The following EEF2 variants were observed in gnomAD, a reference collection of about 807,000 sequenced individuals.
EEF2 encodes elongation factor 2.
A neutral mutation model predicts 85.3 loss-of-function variants in EEF2; 21 were observed. That is an observed-to-expected ratio of 0.25 (90% CI 0.17 to 0.35). The LOEUF (loss-of-function observed/expected upper bound fraction) is 0.35, where lower values mean the gene tolerates loss of function less well. EEF2 is among the 10% of genes least tolerant of loss of function. The pLI, the probability that EEF2 is intolerant of heterozygous loss-of-function variation, is 1.00. For synonymous variants in EEF2, 723 were observed against 508.8 expected, an observed-to-expected ratio of 1.42 and a Z score of -5.67; for missense variants, 825 against 1,225.3, an observed-to-expected ratio of 0.67 and a Z score of 4.88.
Position 3,980,048 on chromosome 19 carries a change from G to A in EEF2, c.1365C>T (p.Gly455=), listed in dbSNP as rs763296225. The change falls in exon 10 of 15, where the codon GGC becomes GGT. Residue 455 remains glycine, a synonymous_variant. Transcript: ENST00000309311. Reference sequence around the variant, plus strand: ...CATCCTCGATGGGCTCCACGTAGCGGCCCATCATCAAGATTGTTCTGGAAG... The same window carrying A: ...CATCCTCGATGGGCTCCACGTAGCGACCCATCATCAAGATTGTTCTGGAAG... The part of the protein sequence containing the change: ...KPIQRTILMM[G]RYVEPIEDVP... 6.2e-7 allele frequency: 1 copy of A among 1,613,232 alleles called. No homozygotes were observed. Among genetic ancestry groups the A allele is most frequent in the South Asian group, 1.1e-5 (1 of 91,082 alleles).
chr19:3,978,281 A>T, intron 11 of EEF2, 109 bp from the exon 12 acceptor site: 1 of 903,026 alleles, frequency 1.1e-6, no homozygotes, highest in East Asian at 2.9e-5. Context: ...ACAGCCTGGT[A>T]GAGCCACGTC....
Position 3,976,527 on chromosome 19 carries a change from G to A in EEF2, c.*27C>T, listed in dbSNP as rs1298031936. 1 of 1,582,622 alleles carries A rather than the reference G, an allele frequency of 6.3e-7. No homozygotes were observed. The highest frequency in any genetic ancestry group is 8.6e-7 in the Non-Finnish European group (1 of 1,165,268). On this transcript the variant is annotated 3_prime_UTR_variant, in exon 15 of 15. Transcript: ENST00000309311. The stretch of plus-strand genomic sequence containing the variant: ...TGCTGTGGGTGCTGCGAGTCCCCGG[G>A]GCGGCAGGCGCTGCAGGAAGGGCCG...
rs1309544670 is a variant in EEF2, at chr19:3,982,377, C to A, written c.660G>T (p.Gly220=). The change falls in exon 5 of 15, where the codon GGG becomes GGT. Residue 220 remains glycine (G), a synonymous_variant. Transcript: ENST00000309311. The part of the protein sequence containing the change: ...GTVGFGSGLH[G]WAFTLKQFAE... ...CAAACTGCTTCAGGGTGAAGGCCCA[C>A]CCGTGGAGGCCAGACCCAAAGCCCA... 1.9e-6 allele frequency: 3 copies of A among 1,614,018 alleles called. No individual in the cohort carries two copies. In the South Asian group the frequency reaches 3.3e-5, roughly 18 times the overall value.
intron 10 of EEF2, 41 bp downstream of exon 10, chr19:3,979,767 C>G (rs200736051): frequency 5.5e-5 from 87 of 1,596,244 alleles, no homozygotes; most frequent in East Asian, 4.9e-4. Flanking sequence ...AGCCGTCCCC[C>G]CTCAGGGTGT....
chr19:3,981,013 G>C (rs1165640857), intron 7 of EEF2, 34 bp from the exon 8 acceptor site: 3 of 1,551,746 alleles, frequency 1.9e-6, no homozygotes, highest in South Asian at 2.4e-5. Context: ...TGAGACACCT[G>C]GGGAGCCCAG....
rs773988050 is a variant in EEF2 at position 3,977,991 on chromosome 19, G to A, written c.1895C>T (p.Ala632Val). 1 of 1,612,468 alleles carries A rather than the reference G, an allele frequency of 6.2e-7. No individual in the cohort carries two copies. The highest frequency in any genetic ancestry group is 1.7e-5 in the Admixed American group (1 of 59,952). ...CTCGTACTTCTCGGCCAGGTAGCGC[G>A]CCCGCTGCTTGAGCTCCTGACGGGC... ...VSARQELKQRARYLAEKYEWD... is the reference protein window; with the variant it reads ...VSARQELKQRVRYLAEKYEWD... The change falls in exon 12 of 15, where the codon GCG becomes GTG. Residue 632 changes from alanine to valine, a missense_variant. Transcript: ENST00000309311. This position sits in a 1 kb window ranked among gnomAD's most constrained non-coding sequence, Gnocchi z 5.4.
chr19:3,983,898 G>C (rs1454956933), intron 2 of EEF2: 1 of 557,554 alleles, frequency 1.8e-6, no homozygotes, highest in African/African-American at 1.9e-5. Context: ...GTCCCCCAGG[G>C]AGGGAGAACC....
At chr19:3,983,395 C>A in intron 2 of EEF2, 104 bp from the exon 3 acceptor site, 1 of 1,276,440 alleles carries the variant, frequency 7.8e-7, no homozygotes, top group East Asian at 2.5e-5. Context: ...CATGACTCAT[C>A]CCTGGAGAGG....
rs769205803 is a variant in EEF2, at chr19:3,980,668, T to C, written c.1192A>G (p.Ile398Val). The C allele has an allele frequency of 3.6e-5, 58 of 1,613,980 alleles. No homozygotes were observed. Among genetic ancestry groups the C allele is most frequent in the Admixed American group, 5.0e-5 (3 of 59,998 alleles). Residue 398 changes from isoleucine to valine, a missense_variant, in exon 9 of 15, where the codon ATT (isoleucine) becomes GTT (valine). Transcript: ENST00000309311. ...TCGGAGGTTGGCACCATTTTGGAAA[T>C]ATACATCATAAGAGGGCCTTTGGGG... ...CDPKGPLMMYISKMVPTSDKG... is the reference protein window; with the variant it reads ...CDPKGPLMMYVSKMVPTSDKG...
chr19:3,979,539 T>C (rs746320550), intron 10 of EEF2, 103 bp from the exon 11 acceptor site: 80 of 1,092,740 alleles, frequency 7.3e-5, no homozygotes, highest in Non-Finnish European at 9.8e-5. Context: ...GAACAAGATT[T>C]CAGGGAAGGT....
At chr19:3,984,396 C>A (rs781136228) in intron 1 of EEF2, 46 bp from the exon 2 acceptor site, 5 of 1,589,286 alleles carry the variant, frequency 3.1e-6, no homozygotes, top group Middle Eastern at 3.3e-4. Flanking sequence ...TTTCCAGGAA[C>A]ACAGCATGGC....
At chr19:3,984,753 G>A (rs181740546) in intron 1 of EEF2, 109 of 218,154 alleles carry the variant, frequency 5.0e-4, no homozygotes, top group African/African-American at 1.7e-3. Context: ...TAAAATGCAA[G>A]GTCACCCCTT....
At chr19:3,981,084 A>G in intron 7 of EEF2, 105 bp from the exon 8 acceptor site, 1 of 1,472,154 alleles carries the variant, frequency 6.8e-7, no homozygotes, top group Non-Finnish European at 9.0e-7. Flanking sequence ...GTCAGGACTA[A>G]CGTTCTCCAA....
rs982952460 is a variant in EEF2, at chr19:3,977,697, G to A, written c.2068-87C>T. 2.1e-4 allele frequency: 316 copies of A among 1,473,740 alleles called. No homozygotes were observed. Among genetic ancestry groups the A allele is most frequent in the Non-Finnish European group, 2.4e-4 (273 of 1,115,432 alleles). The allele number at this position is 1,473,740 out of a possible 1,614,324, so 91.3% of individuals were successfully genotyped here. Reference sequence around the variant, plus strand: ...TGCCAAGTCCTGCAGGTCTCCACCAGGGGGACCTGGGGCCTTGCCCGCCTT... The same window carrying A: ...TGCCAAGTCCTGCAGGTCTCCACCAAGGGGACCTGGGGCCTTGCCCGCCTT... On this transcript the variant is annotated intron_variant, in intron 12 of 14. Coordinates refer to ENST00000309311, the MANE Select transcript of EEF2 (RefSeq NM_001961.4). This position sits in a 1 kb window ranked among gnomAD's most constrained non-coding sequence, Gnocchi z 5.4.
In EEF2 at chr19:3,978,120, A is replaced by G. The variant is rs2039699854; in HGVS notation, c.1766T>C (p.Val589Ala). The G allele has an allele frequency of 6.7e-7, 1 of 1,502,920 alleles. No individual in the cohort carries two copies. The highest frequency in any genetic ancestry group is 8.9e-7 in the Non-Finnish European group (1 of 1,117,660). 93.1% of individuals were successfully genotyped at this position (1,502,920 alleles called of 1,614,324 possible). Residue 589 changes from valine to alanine, a missense_variant, in exon 12 of 15, where the codon GTG (valine) becomes GCG (alanine). Coordinates refer to ENST00000309311, the MANE Select transcript of EEF2 (RefSeq NM_001961.4). ...GTTGGGGGACTTGGAGAGGCAGAGC[A>G]CGTTCGACTCTTCACTGACCGTCTC... ...YRETVSEESNVLCLSKSPNKH... is the reference protein window; with the variant it reads ...YRETVSEESNALCLSKSPNKH...
intron 11 of EEF2, among the ~76,000 whole-genome samples, chr19:3,978,439 G>C (rs1282902505): frequency 3.3e-5 from 5 of 152,176 alleles, no homozygotes; most frequent in African/African-American, 1.2e-4. Flanking sequence ...ACGAGGTCTG[G>C]AGCAGGCCTG....
At position 3,982,920 on chromosome 19, in the gene EEF2, G is replaced by A; in HGVS notation, c.499C>T (p.Leu167=). The A allele has an allele frequency of 3.1e-6, 5 of 1,613,542 alleles. No homozygotes were observed. In the Middle Eastern group the frequency reaches 6.6e-4, roughly 213 times the overall value. The change falls in exon 4 of 15, where the codon CTG becomes TTG. Residue 167 remains leucine, a synonymous_variant. Coordinates refer to ENST00000309311, the MANE Select transcript of EEF2 (RefSeq NM_001961.4). ...TAGAGCTCCTCGGGCTCCAGCTGCAGCTCCAGCAGGGCGCGGTCCATCTTG... is the reference window on the plus strand; with the variant it reads ...TAGAGCTCCTCGGGCTCCAGCTGCAACTCCAGCAGGGCGCGGTCCATCTTG... ...MNKMDRALLE[L]QLEPEELYQT...
intron 6 of EEF2, 54 bp downstream of exon 6, chr19:3,981,893 G>C: frequency 1.9e-6 from 3 of 1,550,784 alleles, no homozygotes; most frequent in Admixed American, 1.7e-5. Context: ...GGAGCCCACA[G>C]GGCCGAGGGC....
chr19:3,984,442 A>ACCCCCTCCTGGCCTTG, intron 1 of EEF2, 92 bp from the exon 2 acceptor site: 1 of 1,395,850 alleles, frequency 7.2e-7, no homozygotes, highest in Non-Finnish European at 1.0e-6. Flanking sequence ...AGCATGCCCA[A>ACCCCCTCCTGGCCTTG]GGCCAGGAGG....
Sources: allele counts gnomAD v4.1 joint callset (sites outside exome capture counted in the v4.1 genomes callset), GRCh38; gene constraint gnomAD v4.1.1; non-coding constraint Gnocchi (gnomAD v3.1); transcripts MANE v1.5; gene names NCBI Gene and HGNC (gene_info 2026-07-23, HGNC 2026-07-21).